PFDN1: variants seen among roughly 807,000 people sequenced by gnomAD.
The protein encoded by PFDN1 is prefoldin subunit 1.
Under a neutral mutation model 17.3 loss-of-function variants are expected in PFDN1, and 6 were observed. The ratio of observed to expected loss-of-function variants is 0.35; its 90% CI spans 0.19 to 0.69. PFDN1 has a LOEUF of 0.69. Ranked by LOEUF, PFDN1 falls within the 30% of genes least tolerant of loss-of-function variation. The probability of loss-of-function intolerance (pLI) is 0.65; values close to 1 mark genes in which losing one functional copy is unlikely to be tolerated. For missense variants in PFDN1, 113 were observed against 146.2 expected, an observed-to-expected ratio of 0.77 and a Z score of 1.17; for synonymous variants, 58 against 50.1, an observed-to-expected ratio of 1.16 and a Z score of -0.67.
Position 140,281,543 on chromosome 5 carries a change from A to G in PFDN1, c.201-10T>C. The G allele has an allele frequency of 1.4e-6, 2 of 1,465,374 alleles. No individual in the cohort carries two copies. Among genetic ancestry groups the G allele is most frequent in the Non-Finnish European group, 1.9e-6 (2 of 1,046,606 alleles). 90.8% of individuals were successfully genotyped at this position (1,465,374 alleles called of 1,614,324 possible). Reference sequence around the variant, plus strand: ...GGACTGAAGAATAAACCTATGAAACACAAGAAAGTTGAAAATTAAGCCACA... The same window carrying G: ...GGACTGAAGAATAAACCTATGAAACGCAAGAAAGTTGAAAATTAAGCCACA... On this transcript the variant is annotated splice_polypyrimidine_tract_variant and intron_variant, in intron 2 of 3. Coordinates refer to ENST00000261813, the MANE Select transcript of PFDN1 (RefSeq NM_002622.5).
chr5:140,277,086 G>A (rs563236820), intron 3 of PFDN1, among the ~76,000 whole-genome samples: 1 of 152,184 alleles, frequency 6.6e-6, no homozygotes, highest in South Asian at 2.1e-4. Flanking sequence ...GCTGGGCATA[G>A]TGGCACATGC....
At chr5:140,300,642 A>G in intron 1 of PFDN1, 60 bp from the exon 2 acceptor site, 1 of 1,165,660 alleles carries the variant, frequency 8.6e-7, no homozygotes, top group East Asian at 2.5e-5. Context: ...CATTTACCTC[A>G]AATCCAAATA....
Position 140,245,829 on chromosome 5 carries a change from C to T in PFDN1, c.*145G>A. ...CCAGGGCTGGGAAGCAAATGGGGCT[C>T]AGGGTGATGCAGAAAATGTGATGTT... On this transcript the variant is annotated 3_prime_UTR_variant, in exon 4 of 4. Transcript: ENST00000261813. The T allele has an allele frequency of 1.6e-6, 1 of 643,682 alleles. No individual in the cohort carries two copies. The highest frequency in any genetic ancestry group is 2.8e-6 in the Non-Finnish European group (1 of 358,634). The allele number at this position is 643,682 out of a possible 1,614,324, so 39.9% of individuals were successfully genotyped here.
intron 3 of PFDN1, among the ~76,000 whole-genome samples, chr5:140,268,477 A>G (rs1302374050): frequency 6.6e-6 from 1 of 152,044 alleles, no homozygotes; most frequent in East Asian, 1.9e-4. Flanking sequence ...GTGAAACCCC[A>G]TCTCTACTAA....
intron 3 of PFDN1, among the ~76,000 whole-genome samples, chr5:140,275,550 G>A (rs928149814): frequency 5.9e-5 from 9 of 152,120 alleles, no homozygotes; most frequent in Admixed American, 5.2e-4. Flanking sequence ...CACTTGGCTG[G>A]CTGATGACAT....
intron 2 of PFDN1, chr5:140,282,078 T>C (rs538245073): frequency 6.6e-6 from 1 of 151,760 alleles, no homozygotes; most frequent in Non-Finnish European, 1.5e-5. Flanking sequence ...TCCCAGCTAC[T>C]AGGGAGGCTG....
chr5:140,246,670 T>C (rs1764835262), intron 3 of PFDN1, among the ~76,000 whole-genome samples: 2 of 152,220 alleles, frequency 1.3e-5, no homozygotes, highest in African/African-American at 4.8e-5. Flanking sequence ...GCTTACCTTC[T>C]ACTCCATCTG....
intron 3 of PFDN1, among the ~76,000 whole-genome samples, chr5:140,268,833 A>G (rs971671528): frequency 6.6e-6 from 1 of 152,180 alleles, no homozygotes; most frequent in Non-Finnish European, 1.5e-5. Flanking sequence ...CTGAAAATAT[A>G]TTTCTAAAAC....
At chr5:140,299,418 G>A (rs926914806) in intron 2 of PFDN1, among the ~76,000 whole-genome samples, 3 of 151,894 alleles carry the variant, frequency 2.0e-5, no homozygotes, top group Admixed American at 1.3e-4. Flanking sequence ...TGGCCAACAC[G>A]GTAAAACCCC....
At chr5:140,255,749 A>G (rs957760937) in intron 3 of PFDN1, among the ~76,000 whole-genome samples, 2 of 152,114 alleles carry the variant, frequency 1.3e-5, no homozygotes, top group African/African-American at 4.8e-5. Context: ...CTTTCTTCTT[A>G]ATCTTCTATT....
intron 3 of PFDN1, among the ~76,000 whole-genome samples, chr5:140,257,158 G>C (rs899416891): frequency 1.3e-5 from 2 of 151,664 alleles, no homozygotes; most frequent in Non-Finnish European, 1.5e-5. Flanking sequence ...GGGAGGTGGA[G>C]GTTGCAGTGA....
At chr5:140,249,318 G>A (rs371379209) in intron 3 of PFDN1, among the ~76,000 whole-genome samples, 7 of 152,316 alleles carry the variant, frequency 4.6e-5, no homozygotes, top group South Asian at 4.1e-4. Flanking sequence ...AGACCAATTC[G>A]TGGTAGCTTC....
chr5:140,277,597 G>A (rs1353881368), intron 3 of PFDN1, among the ~76,000 whole-genome samples: 1 of 151,986 alleles, frequency 6.6e-6, no homozygotes, highest in Admixed American at 6.6e-5. Context: ...ACGCGTGGTA[G>A]CATGCCTGTG....
intron 3 of PFDN1, among the ~76,000 whole-genome samples, chr5:140,272,952 C>T (rs939287363): frequency 3.3e-5 from 5 of 152,142 alleles, no homozygotes; most frequent in African/African-American, 1.2e-4. Context: ...AGATGAACTG[C>T]TGGGCATATG....
intron 2 of PFDN1, among the ~76,000 whole-genome samples, chr5:140,294,545 C>T (rs1380132111): frequency 6.6e-6 from 1 of 151,968 alleles, no homozygotes; most frequent in Admixed American, 6.6e-5. Flanking sequence ...CTAAATGCCA[C>T]GATTCAAATT....
At chr5:140,261,611 G>A (rs1765067118) in intron 3 of PFDN1, among the ~76,000 whole-genome samples, 1 of 152,176 alleles carries the variant, frequency 6.6e-6, no homozygotes, top group South Asian at 2.1e-4. Flanking sequence ...GATTTGTATG[G>A]GTCAGCAGAG....
At chr5:140,266,110 A>G (rs1202479162) in intron 3 of PFDN1, among the ~76,000 whole-genome samples, 2 of 152,186 alleles carry the variant, frequency 1.3e-5, no homozygotes, top group Non-Finnish European at 2.9e-5. Context: ...TCTCTTGTGG[A>G]GAATGAGTGA....
At chr5:140,247,290 ATTTT>A (rs754490930) in intron 3 of PFDN1, among the ~76,000 whole-genome samples, 3 of 142,208 alleles carry the variant, frequency 2.1e-5, no homozygotes, top group Admixed American at 1.4e-4. Context: ...TGCCCGGCTA[ATTTT>A]TTTTTTTTTT....
intron 2 of PFDN1, among the ~76,000 whole-genome samples, chr5:140,294,014 C>T (rs985754540): frequency 6.6e-6 from 1 of 151,868 alleles, no homozygotes; most frequent in East Asian, 1.9e-4. Context: ...CAGCTGAACA[C>T]CAAGAACTTC....
Sources: gnomAD v4.1 joint callset for allele counts (sites outside exome capture counted in the v4.1 genomes callset) on GRCh38, gnomAD v4.1.1 for gene constraint, MANE v1.5 for transcripts, NCBI Gene and HGNC (gene_info 2026-07-23, HGNC 2026-07-21) for gene names.